NRXN3: variants seen among roughly 807,000 people sequenced by gnomAD.
The protein encoded by NRXN3 is neurexin 3.
A neutral mutation model predicts 137.6 loss-of-function variants in NRXN3; 32 were observed. That is an observed-to-expected ratio of 0.23 (90% CI 0.18 to 0.31). The LOEUF (loss-of-function observed/expected upper bound fraction) is 0.31. NRXN3 is among the 10% of genes least tolerant of loss of function. The probability of loss-of-function intolerance (pLI) is 1.00; values close to 1 mark genes in which losing one functional copy is unlikely to be tolerated. For missense variants in NRXN3, 1,574 were observed against 2,062.5 expected, an observed-to-expected ratio of 0.76 and a Z score of 4.59; for synonymous variants, 798 against 784.5, an observed-to-expected ratio of 1.02 and a Z score of -0.29.
At chr14:79,651,261 A>G (rs1275018376) in intron 16 of NRXN3, among the ~76,000 whole-genome samples, 1 of 152,144 alleles carries the variant, frequency 6.6e-6, no homozygotes, top group Non-Finnish European at 1.5e-5. Context: ...AGACTATGTG[A>G]AACAAGTGAA....
chr14:78,209,423 T>C (rs938129163), intron 1 of NRXN3, among the ~76,000 whole-genome samples: 1 of 152,240 alleles, frequency 6.6e-6, no homozygotes, highest in Non-Finnish European at 1.5e-5. Flanking sequence ...TATATTAGTC[T>C]GTTCTCACAC....
chr14:78,220,058 G>A (rs1401186782), intron 1 of NRXN3, among the ~76,000 whole-genome samples: 2 of 152,016 alleles, frequency 1.3e-5, no homozygotes, highest in Non-Finnish European at 2.9e-5. Context: ...AGGAGATGAA[G>A]AGCGTGGGAT....
intron 15 of NRXN3, among the ~76,000 whole-genome samples, chr14:79,269,175 A>G (rs1269037605): frequency 2.0e-5 from 3 of 151,892 alleles, no homozygotes; most frequent in Non-Finnish European, 4.4e-5. Context: ...TCAGCCTCCC[A>G]AGTAGCTGGG....
At chr14:79,264,417 T>A (rs925190702) in intron 15 of NRXN3, among the ~76,000 whole-genome samples, 4 of 152,188 alleles carry the variant, frequency 2.6e-5, no homozygotes, top group African/African-American at 9.7e-5. Context: ...TCTCACAGTT[T>A]TAGAGGCTGG....
intron 17 of NRXN3, among the ~76,000 whole-genome samples, chr14:79,690,957 G>A (rs2098714353): frequency 6.6e-6 from 1 of 151,954 alleles, no homozygotes; most frequent in South Asian, 2.1e-4. Context: ...TTTAATATTG[G>A]TAGTTTGGAA....
intron 19 of NRXN3, among the ~76,000 whole-genome samples, chr14:79,770,347 A>G (rs1396134767): frequency 6.6e-6 from 1 of 151,406 alleles, no homozygotes; most frequent in African/African-American, 2.4e-5. Context: ...CACCACACCT[A>G]TTCCAAAATT....
intron 19 of NRXN3, among the ~76,000 whole-genome samples, chr14:79,711,658 A>G (rs1051321752): frequency 2.6e-5 from 4 of 152,162 alleles, no homozygotes; most frequent in African/African-American, 7.2e-5. Flanking sequence ...GTGCCTAGAT[A>G]TCCCCTTTGG....
intron 15 of NRXN3, among the ~76,000 whole-genome samples, chr14:79,282,721 T>C (rs912436295): frequency 1.3e-5 from 2 of 152,106 alleles, no homozygotes; most frequent in Non-Finnish European, 2.9e-5. Flanking sequence ...GCCCTCAGAC[T>C]CACCAGAGCT....
At chr14:78,965,861 G>A (rs1418671421) in intron 11 of NRXN3, among the ~76,000 whole-genome samples, 164 bp from the exon 12 acceptor site, 1 of 152,148 alleles carries the variant, frequency 6.6e-6, no homozygotes, top group Non-Finnish European at 1.5e-5. Context: ...CCTGATTGAG[G>A]CCAAGTAAGG....
At chr14:78,643,281 G>A (rs756268718) in intron 4 of NRXN3, among the ~76,000 whole-genome samples, 4 of 152,198 alleles carry the variant, frequency 2.6e-5, no homozygotes, top group Non-Finnish European at 5.9e-5. Flanking sequence ...TAATTAGCCT[G>A]GAGTGTAGTT....
At chr14:79,059,726 G>C (rs1054070330) in intron 15 of NRXN3, among the ~76,000 whole-genome samples, 1 of 152,072 alleles carries the variant, frequency 6.6e-6, no homozygotes, top group Non-Finnish European at 1.5e-5. Flanking sequence ...CCATCCTTTT[G>C]TTTCATTTTT....
intron 8 of NRXN3, among the ~76,000 whole-genome samples, chr14:78,760,276 A>T (rs185073370): frequency 7.9e-5 from 12 of 151,016 alleles, no homozygotes. Context: ...TCCCGACCTC[A>T]GGTGATCCGC....
intron 1 of NRXN3, among the ~76,000 whole-genome samples, chr14:78,207,610 C>G (rs2062334469): frequency 6.6e-6 from 1 of 152,220 alleles, no homozygotes; most frequent in South Asian, 2.1e-4. Flanking sequence ...TGCGTGTCAT[C>G]ATTTCCTGCG....
intron 15 of NRXN3, among the ~76,000 whole-genome samples, chr14:79,366,237 G>A (rs1302279103): frequency 6.6e-6 from 1 of 152,000 alleles, no homozygotes; most frequent in African/African-American, 2.4e-5. Context: ...TGTGATACAG[G>A]CATATAATGT....
intron 15 of NRXN3, among the ~76,000 whole-genome samples, chr14:79,298,337 T>C (rs8007640): frequency 0.01 from 1,586 of 152,178 alleles, 27 homozygotes; most frequent in South Asian, 0.081. Flanking sequence ...TAATTCCAGT[T>C]ATTCAAATTT....
At chr14:79,000,802 C>A (rs2099539870) in intron 15 of NRXN3, among the ~76,000 whole-genome samples, 1 of 152,084 alleles carries the variant, frequency 6.6e-6, no homozygotes, top group African/African-American at 2.4e-5. Context: ...TTCCTGAGAA[C>A]AGAGCAAATC....
intron 4 of NRXN3, among the ~76,000 whole-genome samples, chr14:78,589,134 A>C (rs2097093598): frequency 6.6e-6 from 1 of 152,152 alleles, no homozygotes; most frequent in Non-Finnish European, 1.5e-5. Flanking sequence ...CTCCAGATCT[A>C]GGCTGCCAGC....
At position 79,867,103 on chromosome 14, in the gene NRXN3, A is replaced by G. The variant is rs1178208805; in HGVS notation, c.*5139A>G. ...TATTACAAAGAAAACAGACCCGAAG[A>G]ACTTAAATGACTTCTCCAAGGTCAC... On this transcript the variant is annotated 3_prime_UTR_variant, in exon 21 of 21. Coordinates refer to ENST00000335750, the MANE Select transcript of NRXN3 (RefSeq NM_001330195.2). 6.6e-6 allele frequency: 1 copy of G among 152,230 alleles called. No individual in the cohort carries two copies. The highest frequency in any genetic ancestry group is 1.5e-5 in the Non-Finnish European group (1 of 68,038). The allele number at this position is 152,230 out of a possible 1,614,324, so 9.4% of individuals were successfully genotyped here. A position where few individuals can be genotyped will look rare whatever the true frequency, so the allele number is the denominator to read the frequency against.
At chr14:78,912,151 A>G (rs2099240605) in intron 10 of NRXN3, among the ~76,000 whole-genome samples, 3 of 150,448 alleles carry the variant, frequency 2.0e-5, no homozygotes, top group South Asian at 2.1e-4. Flanking sequence ...ATTCCCACCT[A>G]TGAGTGAGAA....
Sources: gnomAD v4.1 joint callset for allele counts (sites outside exome capture counted in the v4.1 genomes callset) on GRCh38, gnomAD v4.1.1 for gene constraint, MANE v1.5 for transcripts, NCBI Gene and HGNC (gene_info 2026-07-23, HGNC 2026-07-21) for gene names.